The following KIF21B variants were observed in gnomAD, a reference collection of about 807,000 sequenced individuals.
KIF21B encodes the protein kinesin family member 21B, also known as kinesin-like protein KIF21B.
Under a neutral mutation model 192.9 loss-of-function variants are expected in KIF21B, and 85 were observed. The ratio of observed to expected loss-of-function variants is 0.44; its 90% CI spans 0.37 to 0.53. KIF21B has a LOEUF of 0.53. Among genes scored for constraint, KIF21B ranks in the 20% least tolerant of loss-of-function variants. The pLI, the probability that KIF21B is intolerant of heterozygous loss-of-function variation, is 0.00. For synonymous variants in KIF21B, 832 were observed against 884.6 expected, an observed-to-expected ratio of 0.94 and a Z score of 1.05; for missense variants, 1,716 against 2,194.8, an observed-to-expected ratio of 0.78 and a Z score of 4.36.
chr1:200,974,858 C>A lies in KIF21B; in HGVS notation c.4670G>T (p.Arg1557Leu). The A allele has an allele frequency of 6.2e-7, 1 of 1,614,162 alleles. No homozygotes were observed. The highest frequency in any genetic ancestry group is 8.5e-7 in the Non-Finnish European group (1 of 1,180,030). ...ACGGCAGGCGCTGAGCAGCATGGGG[C>A]GGCCCGGGATGAAGGCCAGGGCGCA... Reference protein sequence around the residue: ...WVCALAFIPGRPMLLSACRAG... With the variant: ...WVCALAFIPGLPMLLSACRAG... Residue 1557 changes from arginine to leucine, a missense_variant, in exon 34 of 35, where the codon CGC becomes CTC. By Grantham distance (102) the Arg-to-Leu change is moderately radical. Transcript: ENST00000461742.
chr1:200,992,222 C>T, intron 16 of KIF21B, 60 bp downstream of exon 16: 1 of 1,506,804 alleles, frequency 6.6e-7, no homozygotes, highest in African/African-American at 1.4e-5. Context: ...GCCAGGTGCA[C>T]CAGGAGGCTG....
rs1044443554 is a variant in KIF21B, at chr1:201,004,371, G to A, written c.985C>T (p.Arg329Trp). ...CCCCCCAGCGAATCCTGGAGGAGCCGAGTGAGCTTGGAGTCCCTGTAGGGA... is the reference window on the plus strand; with the variant it reads ...CCCCCCAGCGAATCCTGGAGGAGCCAAGTGAGCTTGGAGTCCCTGTAGGGA... ...HVPYRDSKLT[R>W]LLQDSLGGNS... The change falls in exon 7 of 35, where the codon CGG becomes TGG. Residue 329 changes from arginine (R) to tryptophan (W), a missense_variant. By Grantham distance (101) the Arg-to-Trp change is moderately radical. This residue lies in a region of KIF21B where 1,087 missense variants were observed against 1,316.6 expected (regional missense o/e 0.83). Coordinates refer to ENST00000461742, the MANE Select transcript of KIF21B (RefSeq NM_001252102.2). The A allele has an allele frequency of 1.9e-6, 3 of 1,575,234 alleles. No homozygotes were observed. Among genetic ancestry groups the A allele is most frequent in the Non-Finnish European group, 2.6e-6 (3 of 1,159,560 alleles).
intron 14 of KIF21B, among the ~76,000 whole-genome samples, chr1:200,997,415 C>G (rs898829101): frequency 6.6e-6 from 1 of 152,192 alleles, no homozygotes; most frequent in Non-Finnish European, 1.5e-5. Flanking sequence ...TCCTTCAAGT[C>G]TTTGCTCAGT....
chr1:200,983,896 G>A (rs1193357024), intron 27 of KIF21B, among the ~76,000 whole-genome samples: 1 of 152,224 alleles, frequency 6.6e-6, no homozygotes, highest in African/African-American at 2.4e-5. Context: ...GACCCAGGAA[G>A]GGGCATTTCT....
chr1:201,004,231 G>T, intron 7 of KIF21B, 109 bp downstream of exon 7: 1 of 880,410 alleles, frequency 1.1e-6, no homozygotes, highest in Non-Finnish European at 1.8e-6. Context: ...GCCTAGGATG[G>T]GAAGGCCTCC....
Position 201,017,682 on chromosome 1 carries a change from C to T in KIF21B, c.41+5661G>A, listed in dbSNP as rs897958202. Among the ~76,000 whole-genome samples, 5 of 152,352 alleles carry T rather than the reference C, an allele frequency of 3.3e-5. No individual in the cohort carries two copies. The highest frequency in any genetic ancestry group is 1.2e-4 in the African/African-American group (5 of 41,586). On this transcript the variant is annotated intron_variant, in intron 1 of 34. Transcript: ENST00000461742. The surrounding 1 kb of genome is among the most constrained non-coding windows in gnomAD (Gnocchi z 4.1). ...GAGGGCAGCAAGCCTCTCCCCACCA[C>T]ACCGGCCCTGGCCCCCTGCCCACAC...
intron 27 of KIF21B, among the ~76,000 whole-genome samples, chr1:200,983,783 C>A (rs1412650325): frequency 6.6e-6 from 1 of 152,192 alleles, no homozygotes; most frequent in Non-Finnish European, 1.5e-5. Flanking sequence ...ATGGCTCCCC[C>A]CACAGCAGCC....
At chr1:201,001,113 A>G (rs2102440547) in intron 9 of KIF21B, among the ~76,000 whole-genome samples, 1 of 151,772 alleles carries the variant, frequency 6.6e-6, no homozygotes, top group Non-Finnish European at 1.5e-5. Flanking sequence ...GTCTCAGAAA[A>G]AAAAAAAAAA....
In KIF21B at chr1:200,974,825, AC is replaced by A. The variant is rs767381099; in HGVS notation, c.4702del (p.Val1568SerfsTer40). On this transcript the variant is annotated frameshift_variant, in exon 34 of 35. Transcript: ENST00000461742. LOFTEE classifies it high-confidence loss of function. ...PMLLSACRAGVIKVWNVDNFT... is the reference protein window; with the variant it reads ...PMLLSACRAGXIKVWNVDNFT... ...GTTGTCCACGTTCCAGACCTTGATG[AC>A]ACCCGCACGGCAGGCGCTGAGCAGC... 1 of 1,614,194 alleles carries A rather than the reference AC, an allele frequency of 6.2e-7. No homozygotes were observed. The highest frequency in any genetic ancestry group is 1.7e-5 in the Admixed American group (1 of 60,034).
At position 200,998,348 on chromosome 1, in the gene KIF21B, TCCGGATGGG is replaced by T; in HGVS notation, c.2077+27_2077+35del. The T allele has an allele frequency of 1.9e-6, 3 of 1,575,232 alleles. No homozygotes were observed. The highest frequency in any genetic ancestry group is 2.6e-6 in the Non-Finnish European group (3 of 1,155,628). On this transcript the variant is annotated intron_variant, in intron 14 of 34. Transcript: ENST00000461742. This position sits in a 1 kb window ranked among gnomAD's most constrained non-coding sequence, Gnocchi z 4.3. ...GGAGGGGCTCAGGGAAAAGGGAGGG[TCCGGATGGG>T]GTGGAGGGGCATGGCGGTGGCCTCA...
Position 200,996,321 on chromosome 1 carries a change from T to A in KIF21B, c.2152A>T (p.Asn718Tyr), listed in dbSNP as rs1657065212. ...ADYEKRLREM[N>Y]RDLQKLQAAQ... ...GCCTGCAGCTTCTGCAGGTCCCGGTTCATCTCCCGCAGCCTCTTCTCATAG... is the reference window on the plus strand; with the variant it reads ...GCCTGCAGCTTCTGCAGGTCCCGGTACATCTCCCGCAGCCTCTTCTCATAG... Residue 718 changes from asparagine to tyrosine, a missense_variant, in exon 15 of 35, where the codon AAC becomes TAC. Coordinates refer to ENST00000461742, the MANE Select transcript of KIF21B (RefSeq NM_001252102.2). 6.2e-7 allele frequency: 1 copy of A among 1,614,060 alleles called. No individual in the cohort carries two copies. Among genetic ancestry groups the A allele is most frequent in the Non-Finnish European group, 8.5e-7 (1 of 1,180,042 alleles).
rs540873612 is a variant in KIF21B, at chr1:200,998,360, G to T, written c.2077+24C>A. Reference sequence around the variant, plus strand: ...GGAAAAGGGAGGGTCCGGATGGGGTGGAGGGGCATGGCGGTGGCCTCACTG... The same window carrying T: ...GGAAAAGGGAGGGTCCGGATGGGGTTGAGGGGCATGGCGGTGGCCTCACTG... On this transcript the variant is annotated intron_variant, in intron 14 of 34. Coordinates refer to ENST00000461742, the MANE Select transcript of KIF21B (RefSeq NM_001252102.2). The surrounding 1 kb of genome is among the most constrained non-coding windows in gnomAD (Gnocchi z 4.3). The T allele has an allele frequency of 3.0e-5, 48 of 1,597,670 alleles. No individual in the cohort carries two copies. The highest frequency in any genetic ancestry group is 1.0e-4 in the Admixed American group (6 of 59,686).
At position 201,000,808 on chromosome 1, in the gene KIF21B, G is replaced by A. The variant is rs937900642; in HGVS notation, c.1403-28C>T. The A allele has an allele frequency of 6.2e-7, 1 of 1,613,476 alleles. No homozygotes were observed. Among genetic ancestry groups the A allele is most frequent in the Non-Finnish European group, 8.5e-7 (1 of 1,179,422 alleles). ...GGAGTGGGACGGCGGGAAGAAGGGT[G>A]CGATAAAGAAGATAAATAGGCCAGC... is the stretch of plus-strand genomic sequence containing the variant. On this transcript the variant is annotated intron_variant, in intron 9 of 34. Coordinates refer to ENST00000461742, the MANE Select transcript of KIF21B (RefSeq NM_001252102.2). This position sits in a 1 kb window ranked among gnomAD's most constrained non-coding sequence, Gnocchi z 6.0.
chr1:200,989,887 T>G (rs1260293286), intron 21 of KIF21B, 55 bp downstream of exon 21: 1 of 1,398,738 alleles, frequency 7.1e-7, no homozygotes, highest in African/African-American at 1.4e-5. Flanking sequence ...CTAGGGTATA[T>G]CACAGAGGCA....
Position 200,974,709 on chromosome 1 carries a change from C to T in KIF21B, c.4814+5G>A. The T allele has an allele frequency of 6.2e-7, 1 of 1,614,086 alleles. No individual in the cohort carries two copies. The highest frequency in any genetic ancestry group is 8.5e-7 in the Non-Finnish European group (1 of 1,179,926). Reference sequence around the variant, plus strand: ...CAGAGGCAGACCTCTCTGACCAGCACCCACCTGGAGGCTGTGAAGATATGC... The same window carrying T: ...CAGAGGCAGACCTCTCTGACCAGCATCCACCTGGAGGCTGTGAAGATATGC... On this transcript the variant is annotated splice_donor_5th_base_variant and intron_variant, in intron 34 of 34. Coordinates refer to ENST00000461742, the MANE Select transcript of KIF21B (RefSeq NM_001252102.2).
In KIF21B at chr1:201,022,635, A is replaced by G. The variant is rs1173516533; in HGVS notation, c.41+708T>C. Among the ~76,000 whole-genome samples the G allele has an allele frequency of 3.3e-5, 5 of 152,158 alleles. 1 individual carries two copies. Among genetic ancestry groups the G allele is most frequent in the Admixed American group, 3.3e-4 (5 of 15,280 alleles). ...GGAGCTGTTGAGAATGGAACCCCAG[A>G]TAAGTCTAGGCAACCCTCCCCTGCT... On this transcript the variant is annotated intron_variant, in intron 1 of 34. Transcript: ENST00000461742.
rs1007541817 is a variant in KIF21B, at chr1:201,000,837, G to A, written c.1403-57C>T. On this transcript the variant is annotated intron_variant, in intron 9 of 34. Transcript: ENST00000461742. The surrounding 1 kb of genome is among the most constrained non-coding windows in gnomAD (Gnocchi z 6.0). Reference sequence around the variant, plus strand: ...TAAAGAAGATAAATAGGCCAGCGCGGTGGCTCAGACCTATAATTCCAGCAC... The same window carrying A: ...TAAAGAAGATAAATAGGCCAGCGCGATGGCTCAGACCTATAATTCCAGCAC... 2.3e-5 allele frequency: 37 copies of A among 1,582,860 alleles called. No individual in the cohort carries two copies. The highest frequency in any genetic ancestry group is 3.2e-5 in the Non-Finnish European group (37 of 1,152,240).
intron 14 of KIF21B, among the ~76,000 whole-genome samples, chr1:200,997,410 C>T (rs2102428021): frequency 6.6e-6 from 1 of 152,320 alleles, no homozygotes; most frequent in African/African-American, 2.4e-5. Flanking sequence ...TCAACTCCTT[C>T]AAGTCTTTGC....
chr1:201,016,909 C>T (rs1187320263), intron 1 of KIF21B, among the ~76,000 whole-genome samples: 1 of 152,146 alleles, frequency 6.6e-6, no homozygotes, highest in Non-Finnish European at 1.5e-5. Context: ...AGCAGTCTGT[C>T]AATTCTCTCT....
Sources: allele counts gnomAD v4.1 joint callset (sites outside exome capture counted in the v4.1 genomes callset), GRCh38; gene constraint gnomAD v4.1.1; regional missense constraint gnomAD v4.1.1; non-coding constraint Gnocchi (gnomAD v3.1); transcripts MANE v1.5; gene names NCBI Gene and HGNC (gene_info 2026-07-23, HGNC 2026-07-21).